Variants in DTNA observed in about 807,000 individuals in gnomAD.
DTNA encodes the protein dystrophin-related protein 3.
DTNA carries 43 observed loss-of-function variants against 100.7 expected under a neutral mutation model. That is an observed-to-expected ratio of 0.43 (90% CI 0.33 to 0.55). DTNA has a LOEUF of 0.55. DTNA is among the 20% of genes least tolerant of loss of function. DTNA has a pLI of 0.04. For missense variants in DTNA, 798 were observed against 953.9 expected (o/e 0.84, Z 2.15); for synonymous variants, 349 against 347.9 (o/e 1.00, Z -0.04).
chr18:34,629,155 A>G (rs1299521773), intron 1 of DTNA, among the ~76,000 whole-genome samples: 1 of 152,172 alleles, frequency 6.6e-6, no homozygotes, highest in Non-Finnish European at 1.5e-5. Flanking sequence ...ATAAAGAACA[A>G]TCCTCACTAC....
Position 34,827,598 on chromosome 18 carries a change from C to T in DTNA, c.1007C>T (p.Pro336Leu), listed in dbSNP as rs1293106380. The change falls in exon 10 of 23, where the codon CCC becomes CTC. Residue 336 changes from proline (P) to leucine (L), a missense_variant. Transcript: ENST00000444659. ...KPLNLAHIVP[P>L]RPVTSMNDTL... Reference sequence around the variant, plus strand: ...CACCCTGTGTTTTGTTTTAGGCCTCCCAGACCTGTAACCAGCATGAACGAC... The same window carrying T: ...CACCCTGTGTTTTGTTTTAGGCCTCTCAGACCTGTAACCAGCATGAACGAC... 6.2e-7 allele frequency: 1 copy of T among 1,613,664 alleles called. No individual in the cohort carries two copies. The highest frequency in any genetic ancestry group is 8.5e-7 in the Non-Finnish European group (1 of 1,179,810).
chr18:34,856,624 C>T (rs866300328), intron 15 of DTNA, among the ~76,000 whole-genome samples: 3 of 152,188 alleles, frequency 2.0e-5, no homozygotes, highest in Admixed American at 6.5e-5. Flanking sequence ...ATTCACATCA[C>T]GTCTACCACC....
intron 1 of DTNA, among the ~76,000 whole-genome samples, chr18:34,565,131 T>C (rs757401392): frequency 4.6e-5 from 7 of 152,202 alleles, no homozygotes; most frequent in Non-Finnish European, 8.8e-5. Context: ...TTAATAAGAA[T>C]ACAACTGTGC....
At position 34,696,353 on chromosome 18, in the gene DTNA, C is replaced by T. The variant is rs977631976; in HGVS notation, c.-1-59623C>T. On this transcript the variant is annotated intron_variant, in intron 1 of 19. Coordinates refer to the DTNA transcript ENST00000283365. ...CAGCACTTTGAGAGGCCGAGGCGGG[C>T]GGAACACAAGGTCAAGAGATCAAGA... 6.6e-5 allele frequency among the ~76,000 whole-genome samples: 10 copies of T among 151,896 alleles called. 1 individual carries two copies. Among genetic ancestry groups the T allele is most frequent in the South Asian group, 2.1e-4 (1 of 4,826 alleles).
intron 1 of DTNA, among the ~76,000 whole-genome samples, chr18:34,575,637 G>A (rs751297012): frequency 3.3e-5 from 5 of 151,894 alleles, no homozygotes; most frequent in Non-Finnish European, 5.9e-5. Context: ...ATTTTTCATC[G>A]AAATTTTTCT....
At chr18:34,767,752 A>G (rs1021038) in intron 3 of DTNA, 140,808 of 152,022 alleles carry the variant, frequency 0.93, 66,178 homozygotes, top group East Asian at 1. Flanking sequence ...GGCAGAGCCC[A>G]CATGACCAAT....
intron 19 of DTNA, among the ~76,000 whole-genome samples, chr18:34,878,017 G>T (rs1194726021): frequency 1.3e-5 from 2 of 151,650 alleles, no homozygotes; most frequent in East Asian, 1.9e-4. Context: ...TGTGTTGCCC[G>T]GCTGAAGTAC....
intron 1 of DTNA, among the ~76,000 whole-genome samples, chr18:34,669,178 T>A (rs2076380922): frequency 6.6e-6 from 1 of 152,250 alleles, no homozygotes; most frequent in Non-Finnish European, 1.5e-5. Context: ...TACCATTATG[T>A]AATGGCCTTC....
At chr18:34,797,892 T>C (rs934537778) in intron 4 of DTNA, among the ~76,000 whole-genome samples, 1 of 152,200 alleles carries the variant, frequency 6.6e-6, no homozygotes, top group African/African-American at 2.4e-5. Context: ...GAAAGAACCA[T>C]ATTTTATTCT....
chr18:34,589,551 G>A (rs1243035324), intron 1 of DTNA, among the ~76,000 whole-genome samples: 1 of 152,120 alleles, frequency 6.6e-6, no homozygotes, highest in East Asian at 1.9e-4. Context: ...AGAGCTTGCA[G>A]TGAGCCGAGA....
intron 1 of DTNA, among the ~76,000 whole-genome samples, chr18:34,609,314 G>A (rs12326548): frequency 0.065 from 9,638 of 147,398 alleles, 381 homozygotes; most frequent in Non-Finnish European, 0.074. Context: ...GCGCAATCTC[G>A]GCTCACTGCT....
intron 1 of DTNA, among the ~76,000 whole-genome samples, chr18:34,734,594 C>G (rs944716055): frequency 3.9e-5 from 6 of 152,134 alleles, no homozygotes; most frequent in Non-Finnish European, 7.4e-5. Flanking sequence ...TCATTCAGGG[C>G]AATCTTAGCA....
intron 1 of DTNA, among the ~76,000 whole-genome samples, chr18:34,560,732 C>T (rs755726144): frequency 5.9e-5 from 9 of 152,034 alleles, no homozygotes; most frequent in Non-Finnish European, 1.2e-4. Context: ...ATACTGAAAC[C>T]CTATCTCTAC....
intron 3 of DTNA, among the ~76,000 whole-genome samples, chr18:34,791,502 G>T (rs914474010): frequency 1.3e-5 from 2 of 152,098 alleles, no homozygotes; most frequent in African/African-American, 4.8e-5. Flanking sequence ...TTCCCAACTA[G>T]AATTTAAATA....
chr18:34,532,044 T>C (rs2043190096), intron 1 of DTNA, among the ~76,000 whole-genome samples: 1 of 152,116 alleles, frequency 6.6e-6, no homozygotes, highest in African/African-American at 2.4e-5. Flanking sequence ...ATTCACAGAG[T>C]ACCTCCTAGG....
chr18:34,796,563 T>C (rs2094979132), intron 4 of DTNA, among the ~76,000 whole-genome samples: 1 of 152,198 alleles, frequency 6.6e-6, no homozygotes, highest in East Asian at 1.9e-4. Context: ...CTGAAACATT[T>C]AGGAGATTTT....
chr18:34,843,912 AT>A (rs1385442491), intron 13 of DTNA, among the ~76,000 whole-genome samples: 1 of 152,128 alleles, frequency 6.6e-6, no homozygotes, highest in Non-Finnish European at 1.5e-5. Flanking sequence ...AGAAATTATA[AT>A]CTGTTGAAAG....
intron 1 of DTNA, among the ~76,000 whole-genome samples, chr18:34,580,670 C>T (rs1019179003): frequency 6.6e-6 from 1 of 152,140 alleles, no homozygotes; most frequent in Non-Finnish European, 1.5e-5. Context: ...TGTTTCTGGA[C>T]CACGGAGGAT....
At position 34,560,462 on chromosome 18, in the gene DTNA, G is replaced by C. The variant is rs1197827694; in HGVS notation, c.-2+66948G>C. Among the ~76,000 whole-genome samples, 5 of 152,260 alleles carry C rather than the reference G, an allele frequency of 3.3e-5. No individual in the cohort carries two copies. The East Asian group carries it at 9.7e-4, about 29-fold the overall frequency. On this transcript the variant is annotated intron_variant, in intron 1 of 19. Transcript: ENST00000283365. ...GCCTTTTAAAGTAATGTACTCCAGT[G>C]TTATCATAAGTAATTGAAATAAGCC...
Sources: gnomAD v4.1 joint callset for allele counts (sites outside exome capture counted in the v4.1 genomes callset) on GRCh38, gnomAD v4.1.1 for gene constraint, MANE v1.5 for transcripts, NCBI Gene and HGNC (gene_info 2026-07-23, HGNC 2026-07-21) for gene names.